SEC14L1: variants seen among roughly 807,000 people sequenced by gnomAD.
The protein encoded by SEC14L1 is SEC14 like lipid binding 1.
SEC14L1 carries 48 observed loss-of-function variants against 85.3 expected under a neutral mutation model. The ratio of observed to expected loss-of-function variants is 0.56; its 90% CI spans 0.45 to 0.72. The LOEUF (loss-of-function observed/expected upper bound fraction) is 0.72, where lower values mean the gene tolerates loss of function less well. SEC14L1 is among the 30% of genes least tolerant of loss of function. The pLI is 0.00. For missense variants in SEC14L1, 682 were observed against 921.4 expected (o/e 0.74, Z 3.36); for synonymous variants, 391 against 355.5 (o/e 1.10, Z -1.12).
rs138581306 is a variant in SEC14L1 at position 77,166,710 on chromosome 17, A to C, written c.63+23051A>C. 3.5e-3 allele frequency among the ~76,000 whole-genome samples: 531 copies of C among 152,226 alleles called. 1 individual carries two copies. The highest frequency in any genetic ancestry group is 0.012 in the African/African-American group (496 of 41,540). The stretch of plus-strand genomic sequence containing the variant: ...AAAAATTAGCCAGGCTGGGTGGCGC[A>C]CACCTGTAGTCCCAGCTACTTCAGA... On this transcript the variant is annotated intron_variant, in intron 3 of 16. Transcript: ENST00000436233.
At position 77,209,471 on chromosome 17, in the gene SEC14L1, C is replaced by G. The variant is rs1179692590; in HGVS notation, c.1606C>G (p.His536Asp). 6.2e-7 allele frequency: 1 copy of G among 1,614,018 alleles called. No homozygotes were observed. The highest frequency in any genetic ancestry group is 2.2e-5 in the East Asian group (1 of 44,892). Residue 536 changes from histidine to aspartate, a missense_variant, in exon 14 of 17, where the codon CAT becomes GAT. Around this residue, in one of 3 missense-constraint regions of SEC14L1, gnomAD observed 420 missense variants for 619.5 expected, o/e 0.68. Coordinates refer to ENST00000436233, the MANE Select transcript of SEC14L1 (RefSeq NM_001143998.2). ...TGCAAGCGTCTTCAAAGGAGCCCCA[C>G]ATGAGGTACGTCCTCCGCCTTCCTG... ...QSASVFKGAP[H>D]EILIQIVDAS...
At chr17:77,115,831 C>T (rs772195298) in intron 3 of SEC14L1, among the ~76,000 whole-genome samples, 2 of 151,920 alleles carry the variant, frequency 1.3e-5, no homozygotes, top group Non-Finnish European at 2.9e-5. Context: ...GCAAGAAGAC[C>T]TATATTTAAA....
In SEC14L1 at chr17:77,191,069, G is replaced by T. The variant is rs929903391; in HGVS notation, c.214-112G>T. On this transcript the variant is annotated intron_variant, in intron 4 of 16. Coordinates refer to ENST00000436233, the MANE Select transcript of SEC14L1 (RefSeq NM_001143998.2). ...TCCTGGAGGGAGAGGGCGTCCTGGA[G>T]GGAGAGGGCGTCCTGGAGGGCAGCC... 2.6e-6 allele frequency: 4 copies of T among 1,519,148 alleles called. No individual in the cohort carries two copies. In the African/African-American group the frequency reaches 4.1e-5, roughly 16 times the overall value. 94.1% of individuals were successfully genotyped at this position (1,519,148 alleles called of 1,614,324 possible).
At chr17:77,136,696 G>A (rs951522588), upstream of SEC14L1, among the ~76,000 whole-genome samples, 1 of 152,130 alleles carries the variant, frequency 6.6e-6, no homozygotes, top group South Asian at 2.1e-4. Flanking sequence ...AGGAAGCGTC[G>A]TTCGGGGAGC....
At chr17:77,115,765 TGA>T (rs768837562) in intron 3 of SEC14L1, among the ~76,000 whole-genome samples, 2 of 152,176 alleles carry the variant, frequency 1.3e-5, no homozygotes, top group Non-Finnish European at 2.9e-5. Flanking sequence ...AAATCAGCAC[TGA>T]GAGAGGTCGT....
chr17:77,121,822 C>G (rs796312295), intron 3 of SEC14L1, among the ~76,000 whole-genome samples: 3 of 152,296 alleles, frequency 2.0e-5, no homozygotes, highest in African/African-American at 7.2e-5. Context: ...CCTAGGCTCT[C>G]CCTAGTTTGT....
chr17:77,099,469 A>T (rs1971718075), intron 3 of SEC14L1, among the ~76,000 whole-genome samples: 1 of 152,128 alleles, frequency 6.6e-6, no homozygotes, highest in South Asian at 2.1e-4. Flanking sequence ...AAGCCCCTAA[A>T]ATCCAAAGGC....
intron 5 of SEC14L1, among the ~76,000 whole-genome samples, chr17:77,191,652 C>G (rs655366): frequency 0.34 from 51,305 of 151,956 alleles, 9,176 homozygotes; most frequent in South Asian, 0.43. Flanking sequence ...AAGTGATTCT[C>G]CTGCCTCAGC....
At chr17:77,186,427 G>A (rs1567917316) in intron 3 of SEC14L1, among the ~76,000 whole-genome samples, 2 of 152,208 alleles carry the variant, frequency 1.3e-5, no homozygotes, top group East Asian at 1.9e-4. Context: ...CTTTCCCCAC[G>A]CTGCCTCTCC....
intron 3 of SEC14L1, among the ~76,000 whole-genome samples, chr17:77,190,212 T>G (rs1198494114): frequency 6.6e-6 from 1 of 152,250 alleles, no homozygotes; most frequent in Admixed American, 6.5e-5. Context: ...AGTAACATGT[T>G]GAAAAGACTG....
Position 77,212,089 on chromosome 17 carries a change from TCACCTCTCCGG to T in SEC14L1, c.1752_1762del (p.Ile584MetfsTer80). 6.2e-7 allele frequency: 1 copy of T among 1,614,124 alleles called. No homozygotes were observed. Among genetic ancestry groups the T allele is most frequent in the South Asian group, 1.1e-5 (1 of 91,082 alleles). The stretch of plus-strand genomic sequence containing the variant: ...AAGGACTCCCTGGGAGCCCACAGCA[TCACCTCTCCGG>T]GTGGGAACAATGTGCAGCTCATAGA... On this transcript the variant is annotated frameshift_variant, in exon 15 of 17. Transcript: ENST00000436233. LOFTEE classifies it high-confidence loss of function.
At chr17:77,165,819 C>T (rs551325192) in intron 3 of SEC14L1, among the ~76,000 whole-genome samples, 4 of 152,248 alleles carry the variant, frequency 2.6e-5, no homozygotes, top group African/African-American at 7.2e-5. Context: ...ATGAGATTTA[C>T]ATCTTGTAAT....
At chr17:77,112,154 C>T (rs1456160064) in intron 3 of SEC14L1, among the ~76,000 whole-genome samples, 1 of 152,172 alleles carries the variant, frequency 6.6e-6, no homozygotes, top group Non-Finnish European at 1.5e-5. Flanking sequence ...CTCCTTCCTA[C>T]TGCCCTGTGA....
chr17:77,211,804 G>A, intron 14 of SEC14L1, 146 bp from the exon 15 acceptor site: 2 of 1,006,754 alleles, frequency 2.0e-6, no homozygotes, highest in South Asian at 1.5e-5. Context: ...GTGACTCTGG[G>A]GAAAGAGATC....
chr17:77,197,883 G>T (rs1975898115), intron 8 of SEC14L1, among the ~76,000 whole-genome samples: 2 of 152,348 alleles, frequency 1.3e-5, no homozygotes, highest in Admixed American at 1.3e-4. Context: ...TGGGATTACA[G>T]GCGTGAGCCA....
chr17:77,174,422 G>A (rs1046699365), intron 3 of SEC14L1, among the ~76,000 whole-genome samples: 3 of 152,114 alleles, frequency 2.0e-5, no homozygotes, highest in Non-Finnish European at 2.9e-5. Context: ...CCACAGATCC[G>A]GACTCCACAC....
chr17:77,092,338 C>T (rs1215874987), intron 2 of SEC14L1, among the ~76,000 whole-genome samples: 4 of 152,036 alleles, frequency 2.6e-5, no homozygotes, highest in Non-Finnish European at 4.4e-5. Context: ...CTAGCGATGT[C>T]AGTAGGCACT....
chr17:77,127,201 T>C (rs1354331659), intron 3 of SEC14L1, among the ~76,000 whole-genome samples: 1 of 152,000 alleles, frequency 6.6e-6, no homozygotes, highest in Non-Finnish European at 1.5e-5. Context: ...GTGTTCTCAT[T>C]GTTCAACTCC....
chr17:77,209,365 G>T lies in SEC14L1; in HGVS notation c.1500G>T (p.Leu500=). The change falls in exon 14 of 17, where the codon CTG becomes CTT. Residue 500 remains leucine, a synonymous_variant. Transcript: ENST00000436233. The stretch of plus-strand genomic sequence containing the variant: ...AGTGCGAAGTGCCAGAGGGTGGACT[G>T]GTCCCCAAATCTCTGTACCGGACTG... ...ECMCEVPEGG[L]VPKSLYRTAE... is the part of the protein sequence containing the mutation. The T allele has an allele frequency of 6.2e-7, 1 of 1,614,104 alleles. No homozygotes were observed. The highest frequency in any genetic ancestry group is 8.5e-7 in the Non-Finnish European group (1 of 1,180,002).
Sources: gnomAD v4.1 joint callset for allele counts (sites outside exome capture counted in the v4.1 genomes callset) on GRCh38, gnomAD v4.1.1 for gene constraint, gnomAD v4.1.1 regional missense constraint, MANE v1.5 for transcripts, NCBI Gene and HGNC (gene_info 2026-07-23, HGNC 2026-07-21) for gene names.